KAZN: variants seen among roughly 807,000 people sequenced by gnomAD.
KAZN encodes kazrin, periplakin interacting protein, also known as kazrin.
Under a neutral mutation model 87.4 loss-of-function variants are expected in KAZN, and 40 were observed. The observed-to-expected ratio is 0.46, with a 90% CI of 0.36 to 0.60. The LOEUF (loss-of-function observed/expected upper bound fraction) is 0.60, where lower values mean the gene tolerates loss of function less well. KAZN is among the 20% of genes least tolerant of loss of function. The probability of loss-of-function intolerance (pLI) is 0.00; values close to 1 mark genes in which losing one functional copy is unlikely to be tolerated. For synonymous variants in KAZN, 466 were observed against 458.3 expected, an observed-to-expected ratio of 1.02 and a Z score of -0.22; for missense variants, 898 against 1,073.9, an observed-to-expected ratio of 0.84 and a Z score of 2.29.
chr1:14,777,166 T>A lies in KAZN; in HGVS notation c.226+177943T>A, dbSNP rs55844168. ...CCACACCCAGCTAATTTTTTTTTTTTTTTGTATTTTTAGTAGAGACGGGGT... is the reference window on the plus strand; with the variant it reads ...CCACACCCAGCTAATTTTTTTTTTTATTTGTATTTTTAGTAGAGACGGGGT... On this transcript the variant is annotated intron_variant, in intron 1 of 14. Coordinates refer to ENST00000376030, the MANE Select transcript of KAZN (RefSeq NM_201628.3). Among the ~76,000 whole-genome samples, 12 of 149,476 alleles carry A rather than the reference T, an allele frequency of 8.0e-5. 1 individual carries two copies. The highest frequency in any genetic ancestry group is 1.5e-4 in the Non-Finnish European group (10 of 67,346).
intron 1 of KAZN, among the ~76,000 whole-genome samples, chr1:14,802,960 G>C (rs971170226): frequency 2.0e-5 from 3 of 152,118 alleles, no homozygotes; most frequent in African/African-American, 7.2e-5. Flanking sequence ...CTACCTCTCC[G>C]AGCCTGATTC....
chr1:14,744,543 A>G (rs1644208320), intron 1 of KAZN, among the ~76,000 whole-genome samples: 2 of 152,112 alleles, frequency 1.3e-5, no homozygotes, highest in Non-Finnish European at 2.9e-5. Flanking sequence ...AGCCTGGGCA[A>G]CATAGCAAGA....
At chr1:15,073,832 A>G (rs1386475199) in intron 8 of KAZN, among the ~76,000 whole-genome samples, 1 of 152,134 alleles carries the variant, frequency 6.6e-6, no homozygotes, top group African/African-American at 2.4e-5. Flanking sequence ...GTGATATCCC[A>G]TGGACACCAG....
At chr1:14,181,021 T>C (rs1646186609) in intron 2 of KAZN, among the ~76,000 whole-genome samples, 1 of 152,194 alleles carries the variant, frequency 6.6e-6, no homozygotes, top group Non-Finnish European at 1.5e-5. Context: ...ACATCAGCAC[T>C]GGTTTTGCTA....
intron 2 of KAZN, among the ~76,000 whole-genome samples, chr1:14,467,814 A>G (rs529692603): frequency 2.0e-5 from 3 of 152,032 alleles, no homozygotes; most frequent in Non-Finnish European, 4.4e-5. Flanking sequence ...TCAGCCTCTC[A>G]TGATGGCCCC....
chr1:14,290,197 G>A (rs1413537586), intron 2 of KAZN, among the ~76,000 whole-genome samples: 1 of 152,150 alleles, frequency 6.6e-6, no homozygotes, highest in Admixed American at 6.5e-5. Context: ...GGTGTTCTCT[G>A]TATTTCCTGA....
At chr1:14,390,494 A>G (rs1662325387) in intron 2 of KAZN, among the ~76,000 whole-genome samples, 1 of 152,162 alleles carries the variant, frequency 6.6e-6, no homozygotes, top group Non-Finnish European at 1.5e-5. Flanking sequence ...AAGCTGTGCA[A>G]ATGTTTTGGG....
intron 1 of KAZN, among the ~76,000 whole-genome samples, chr1:14,128,464 A>C (rs1018821): frequency 1.3e-5 from 2 of 151,904 alleles, no homozygotes; most frequent in African/African-American, 2.4e-5. Context: ...ACACTTGCAG[A>C]GGGGTGGTTG....
intron 2 of KAZN, among the ~76,000 whole-genome samples, chr1:14,372,612 G>T (rs1285844633): frequency 2.6e-5 from 4 of 152,218 alleles, no homozygotes; most frequent in African/African-American, 9.6e-5. Context: ...CATCAAAGAT[G>T]ATTATTTATT....
intron 1 of KAZN, among the ~76,000 whole-genome samples, chr1:14,119,111 T>C (rs570868834): frequency 6.6e-6 from 1 of 152,252 alleles, no homozygotes; most frequent in Non-Finnish European, 1.5e-5. Flanking sequence ...CAACACTAGG[T>C]AAGAAGAGTC....
intron 2 of KAZN, among the ~76,000 whole-genome samples, chr1:14,493,448 C>A (rs1669786441): frequency 6.6e-6 from 1 of 152,100 alleles, no homozygotes; most frequent in South Asian, 2.1e-4. Context: ...ATCCGACTCA[C>A]CACTCTGTAT....
chr1:15,057,547 T>C (rs1180271130), intron 5 of KAZN, among the ~76,000 whole-genome samples: 1 of 152,190 alleles, frequency 6.6e-6, no homozygotes, highest in East Asian at 1.9e-4. Flanking sequence ...TCCCTTCCCA[T>C]TGAGTGGGAT....
At chr1:14,978,999 G>A (rs944090018) in intron 2 of KAZN, among the ~76,000 whole-genome samples, 24 of 151,918 alleles carry the variant, frequency 1.6e-4, no homozygotes, top group Admixed American at 1.5e-3. Context: ...CCATCTCCCG[G>A]GTTCAAGAGA....
At chr1:14,552,621 G>A (rs1385933922) in intron 2 of KAZN, among the ~76,000 whole-genome samples, 1 of 152,204 alleles carries the variant, frequency 6.6e-6, no homozygotes. Context: ...ACAAAAGCTG[G>A]AGGAGACCCC....
rs1157544570 is a variant in KAZN at position 14,133,373 on chromosome 1, AAAAAAAAGAAAG to A, written c.92-47058_92-47047del. Among the ~76,000 whole-genome samples, 135 of 72,976 alleles carry A rather than the reference AAAAAAAAGAAAG, an allele frequency of 1.8e-3. 9 individuals are homozygous for A. The East Asian group carries it at 0.076, about 41-fold the overall frequency. The allele number at this position is 72,976 out of a possible 152,430, so 47.9% of individuals were successfully genotyped here. ...AGAGTGAGACTCCCTCTCAAAAAAA[AAAAAAAAGAAAG>A]AAAGAAAGAAAGAAAGAAAGAAAGA... On this transcript the variant is annotated intron_variant, in intron 1 of 16. Coordinates refer to the KAZN transcript ENST00000636203.
chr1:15,026,178 G>A (rs61772183), intron 2 of KAZN, among the ~76,000 whole-genome samples: 19,873 of 152,124 alleles, frequency 0.13, 1,641 homozygotes, highest in Admixed American at 0.21. Flanking sequence ...AAGTCAGCCT[G>A]TATTTTCTGG....
chr1:14,341,086 T>G (rs1452911267), intron 2 of KAZN, among the ~76,000 whole-genome samples: 24 of 146,488 alleles, frequency 1.6e-4, no homozygotes, highest in Admixed American at 1.6e-3. Flanking sequence ...TTGGGGGGGG[T>G]TTCACCATGT....
chr1:14,045,035 A>G (rs1274805332), intron 1 of KAZN, among the ~76,000 whole-genome samples: 1 of 152,134 alleles, frequency 6.6e-6, no homozygotes, highest in Non-Finnish European at 1.5e-5. Context: ...ATGAGATGCA[A>G]TGTGAAAAGA....
intron 1 of KAZN, among the ~76,000 whole-genome samples, chr1:14,814,759 T>C (rs1646515552): frequency 6.6e-6 from 1 of 152,136 alleles, no homozygotes; most frequent in African/African-American, 2.4e-5. Context: ...CAAGGAGTAA[T>C]GGAAGGCATT....
Sources: allele counts gnomAD v4.1 joint callset (sites outside exome capture counted in the v4.1 genomes callset), GRCh38; gene constraint gnomAD v4.1.1; transcripts MANE v1.5; gene names NCBI Gene and HGNC (gene_info 2026-07-23, HGNC 2026-07-21).